FBLN5: variants seen among roughly 807,000 people sequenced by gnomAD.
FBLN5 encodes fibulin-5.
Under a neutral mutation model 61.6 loss-of-function variants are expected in FBLN5, and 24 were observed. That is an observed-to-expected ratio of 0.39 (90% CI 0.28 to 0.55). The LOEUF is 0.55. Ranked by LOEUF, FBLN5 falls within the 20% of genes least tolerant of loss-of-function variation. The pLI, the probability that FBLN5 is intolerant of heterozygous loss-of-function variation, is 0.65. For missense variants in FBLN5, 470 were observed against 594.1 expected, an observed-to-expected ratio of 0.79 and a Z score of 2.17; for synonymous variants, 213 against 219.8, an observed-to-expected ratio of 0.97 and a Z score of 0.27.
At chr14:91,881,896 T>C (rs1385322569) in intron 8 of FBLN5, among the ~76,000 whole-genome samples, 18 of 151,910 alleles carry the variant, frequency 1.2e-4, no homozygotes, top group Admixed American at 1.2e-3. Context: ...GAAAACATAG[T>C]AGTAAAAACA....
intron 5 of FBLN5, among the ~76,000 whole-genome samples, chr14:91,892,656 G>C (rs1890043033): frequency 6.6e-6 from 1 of 152,200 alleles, no homozygotes; most frequent in Non-Finnish European, 1.5e-5. Context: ...CTTCTTCCCA[G>C]AGTGCAGTTG....
At chr14:91,937,859 T>G (rs1237699631) in intron 3 of FBLN5, among the ~76,000 whole-genome samples, 1 of 152,190 alleles carries the variant, frequency 6.6e-6, no homozygotes, top group Non-Finnish European at 1.5e-5. Flanking sequence ...AAAACAAACC[T>G]GTACTATCAT....
intron 4 of FBLN5, among the ~76,000 whole-genome samples, chr14:91,929,104 CA>C (rs1168344469): frequency 3.4e-4 from 51 of 149,506 alleles, no homozygotes; most frequent in African/African-American, 6.0e-4. Flanking sequence ...CACACACACA[CA>C]CACACACACC....
chr14:91,928,678 G>A (rs1170666030), intron 4 of FBLN5, among the ~76,000 whole-genome samples: 1 of 147,392 alleles, frequency 6.8e-6, no homozygotes, highest in African/African-American at 2.5e-5. Flanking sequence ...AGGCTGAGAT[G>A]GGAGGGTCAC....
At chr14:91,925,955 G>C (rs2055820438) in intron 4 of FBLN5, among the ~76,000 whole-genome samples, 1 of 152,142 alleles carries the variant, frequency 6.6e-6, no homozygotes, top group Non-Finnish European at 1.5e-5. Context: ...TGCTGGAGGT[G>C]AGTGCTGGGA....
At chr14:91,874,972 T>C (rs1889100712) in intron 10 of FBLN5, among the ~76,000 whole-genome samples, 1 of 151,978 alleles carries the variant, frequency 6.6e-6, no homozygotes, top group Non-Finnish European at 1.5e-5. Flanking sequence ...TGGTTACAGG[T>C]CATGCCACCA....
intron 7 of FBLN5, among the ~76,000 whole-genome samples, chr14:91,885,801 C>T (rs1368006045): frequency 2.0e-5 from 3 of 152,242 alleles, no homozygotes; most frequent in Non-Finnish European, 4.4e-5. Flanking sequence ...AGAAACAAAT[C>T]ATCTCACCAC....
At chr14:91,940,691 G>T in intron 2 of FBLN5, 75 bp from the exon 3 acceptor site, 1 of 1,343,756 alleles carries the variant, frequency 7.4e-7, no homozygotes, top group Non-Finnish European at 1.1e-6. Flanking sequence ...AACACAGAAA[G>T]TTGGGGAAAT....
At chr14:91,919,398 G>A (rs868696165) in intron 4 of FBLN5, among the ~76,000 whole-genome samples, 10 of 134,410 alleles carry the variant, frequency 7.4e-5, no homozygotes, top group African/African-American at 2.7e-4. Flanking sequence ...AGAAAGGAAG[G>A]AAGGAAGGAA....
chr14:91,871,807 A>G (rs1427249428), intron 10 of FBLN5, among the ~76,000 whole-genome samples: 2 of 151,894 alleles, frequency 1.3e-5, no homozygotes, highest in African/African-American at 2.4e-5. Context: ...CAGTGAATAG[A>G]GATCGCACCA....
At chr14:91,940,121 A>G (rs575255432) in intron 3 of FBLN5, among the ~76,000 whole-genome samples, 4 of 152,288 alleles carry the variant, frequency 2.6e-5, no homozygotes, top group African/African-American at 7.2e-5. Context: ...TACAACCACA[A>G]GAAACTCAAT....
intron 4 of FBLN5, among the ~76,000 whole-genome samples, chr14:91,909,471 G>GT (rs1890829338): frequency 6.6e-6 from 1 of 152,150 alleles, no homozygotes; most frequent in African/African-American, 2.4e-5. Context: ...AAATTCAGTT[G>GT]CCACTGTGAC....
intron 6 of FBLN5, among the ~76,000 whole-genome samples, chr14:91,887,621 C>A (rs1035202214): frequency 6.6e-6 from 1 of 152,152 alleles, no homozygotes; most frequent in Non-Finnish European, 1.5e-5. Context: ...AACGCACCCC[C>A]CCAACCAGGA....
intron 7 of FBLN5, 78 bp from the exon 8 acceptor site, chr14:91,883,154 C>T: frequency 6.6e-7 from 1 of 1,506,642 alleles, no homozygotes; most frequent in South Asian, 1.1e-5. Flanking sequence ...TCTACTCCAA[C>T]TCTCACACTG....
At chr14:91,893,603 T>C (rs1349088441) in intron 5 of FBLN5, among the ~76,000 whole-genome samples, 2 of 152,240 alleles carry the variant, frequency 1.3e-5, no homozygotes, top group African/African-American at 2.4e-5. Flanking sequence ...CAGGGCCTTT[T>C]CTAGAAAACA....
In FBLN5 at chr14:91,883,197, A is replaced by G; in HGVS notation, c.740-121T>C. The G allele has an allele frequency of 8.0e-6, 9 of 1,120,402 alleles. No individual in the cohort carries two copies. In the South Asian group the frequency reaches 1.0e-4, roughly 13 times the overall value. 69.4% of individuals were successfully genotyped at this position (1,120,402 alleles called of 1,614,324 possible). A position where few individuals can be genotyped will look rare whatever the true frequency, so the allele number is the denominator to read the frequency against. On this transcript the variant is annotated intron_variant, in intron 7 of 10. Transcript: ENST00000342058. The stretch of plus-strand genomic sequence containing the variant: ...ACATACAATGGCTTTACTGCCAAGA[A>G]GCTGTCAATTCACTTCTCCAGCACT...
rs575099179 is a variant in FBLN5, at chr14:91,881,261, T to A, written c.989+31A>T. On this transcript the variant is annotated intron_variant, in intron 9 of 10. Coordinates refer to ENST00000342058, the MANE Select transcript of FBLN5 (RefSeq NM_006329.4). ...CTCCTGAGCCAGGCCCTCATCAGGT[T>A]TCTATTCCCCAGGGGGACGCCGTGA... The A allele has an allele frequency of 3.1e-6, 5 of 1,613,446 alleles. No individual in the cohort carries two copies. In the African/African-American group the frequency reaches 6.7e-5, roughly 22 times the overall value.
intron 10 of FBLN5, among the ~76,000 whole-genome samples, chr14:91,870,759 G>C (rs575465535): frequency 6.6e-6 from 1 of 152,318 alleles, no homozygotes; most frequent in Admixed American, 6.5e-5. Context: ...TATGAGTTCT[G>C]TAAGAACAGG....
chr14:91,870,098 T>C lies in FBLN5; in HGVS notation c.*126A>G. 1 of 1,025,062 alleles carries C rather than the reference T, an allele frequency of 9.8e-7. No homozygotes were observed. Among genetic ancestry groups the C allele is most frequent in the Non-Finnish European group, 1.5e-6 (1 of 670,700 alleles). 63.5% of individuals were successfully genotyped at this position (1,025,062 alleles called of 1,614,324 possible). A position where few individuals can be genotyped will look rare whatever the true frequency, so the allele number is the denominator to read the frequency against. On this transcript the variant is annotated 3_prime_UTR_variant, in exon 11 of 11. Transcript: ENST00000342058. ...TGAGAGTCAGGAAGTCGGGGCTGAC[T>C]CTTCGGGGAAACGTTCAGCAGGAAA...
Sources: allele counts gnomAD v4.1 joint callset (sites outside exome capture counted in the v4.1 genomes callset), GRCh38; gene constraint gnomAD v4.1.1; transcripts MANE v1.5; gene names NCBI Gene and HGNC (gene_info 2026-07-23, HGNC 2026-07-21).